ANKRD36C: variants seen among roughly 807,000 people sequenced by gnomAD.
The protein encoded by ANKRD36C is ankyrin repeat domain-containing protein 36C.
ANKRD36C carries 61 observed loss-of-function variants against 276.4 expected under a neutral mutation model. That is an observed-to-expected ratio of 0.22 (90% CI 0.18 to 0.27). The LOEUF is 0.27. ANKRD36C is among the 10% of genes least tolerant of loss of function. The pLI, the probability that ANKRD36C is intolerant of heterozygous loss-of-function variation, is 1.00. For missense variants in ANKRD36C, 1,447 were observed against 2,032.3 expected (o/e 0.71, Z 5.54); for synonymous variants, 483 against 680.1 (o/e 0.71, Z 4.51).
intron 42 of ANKRD36C, among the ~76,000 whole-genome samples, chr2:95,911,901 CG>C (rs1332698155): frequency 1.3e-5 from 2 of 151,514 alleles, no homozygotes; most frequent in African/African-American, 4.8e-5. Context: ...TACGATGTGA[CG>C]TCTGTAAAAT....
chr2:95,960,159 T>A (rs958340537), intron 10 of ANKRD36C, among the ~76,000 whole-genome samples: 17 of 151,958 alleles, frequency 1.1e-4, no homozygotes, highest in Non-Finnish European at 2.4e-4. Context: ...TTATTCTCCT[T>A]CCCCTCTTGA....
intron 24 of ANKRD36C, among the ~76,000 whole-genome samples, chr2:95,933,257 G>A (rs201185696): frequency 0.05 from 5,403 of 107,074 alleles, no homozygotes; most frequent in African/African-American, 0.083. Flanking sequence ...CAATTGTCTC[G>A]GCTATATGGG....
chr2:95,902,725 A>G (rs575320999), intron 42 of ANKRD36C, among the ~76,000 whole-genome samples, 161 bp downstream of exon 54: 16 of 150,504 alleles, frequency 1.1e-4, no homozygotes, highest in South Asian at 2.1e-4. Flanking sequence ...GTTCCAGACC[A>G]GCATCATCAT....
intron 17 of ANKRD36C, among the ~76,000 whole-genome samples, chr2:95,946,943 GATAT>G (rs1380970968): frequency 6.6e-6 from 1 of 151,818 alleles, no homozygotes; most frequent in Non-Finnish European, 1.5e-5. Flanking sequence ...AGCATTGGGA[GATAT>G]ACCTAATGCT....
rs760404613 is a variant in ANKRD36C, at chr2:95,889,885, G to GA, written c.2887-15dup. ...GTCACTTGTAGCCTGAATGGAATTTGAAACACAACAGTCAATAAATAAAGT... is the reference window on the plus strand; with the variant it reads ...GTCACTTGTAGCCTGAATGGAATTTGAAAACACAACAGTCAATAAATAAAGT... On this transcript the variant is annotated splice_polypyrimidine_tract_variant and intron_variant, in intron 47 of 66. Transcript: ENST00000456556. The GA allele has an allele frequency of 1.2e-6, 2 of 1,606,552 alleles. No individual in the cohort carries two copies. The highest frequency in any genetic ancestry group is 2.2e-5 in the South Asian group (2 of 90,498).
intron 60 of ANKRD36C, 127 bp downstream of exon 80, chr2:95,867,313 C>T (rs1675703350): frequency 5.5e-6 from 4 of 723,792 alleles, no homozygotes; most frequent in Admixed American, 2.9e-5. Context: ...TCTATTTTAA[C>T]ATAAGGCATA....
chr2:95,908,752 C>T, intron 42 of ANKRD36C, 55 bp from the exon 47 acceptor site: 2 of 1,535,810 alleles, frequency 1.3e-6, no homozygotes, highest in South Asian at 2.4e-5. Context: ...CAAAATTATC[C>T]ACATATTCAT....
intron 44 of ANKRD36C, 21 bp from the exon 65 acceptor site, chr2:95,891,881 A>C (rs1322650373): frequency 6.4e-7 from 1 of 1,556,662 alleles, no homozygotes; most frequent in Non-Finnish European, 8.7e-7. Context: ...AAAGGGATTC[A>C]TAATCACTCA....
At chr2:95,963,972 A>AATATATATAT (rs1160108122) in intron 6 of ANKRD36C, among the ~76,000 whole-genome samples, 34 of 48,946 alleles carry the variant, frequency 6.9e-4, no homozygotes, top group South Asian at 7.9e-4. Context: ...TATATATATA[A>AATATATATAT]ATATATATAT....
intron 34 of ANKRD36C, chr2:95,919,753 T>C (rs1677215069): frequency 7.7e-7 from 1 of 1,303,400 alleles, no homozygotes; most frequent in African/African-American, 1.5e-5. Flanking sequence ...TTTTTCTCCA[T>C]CCTTTATTTC....
intron 62 of ANKRD36C, among the ~76,000 whole-genome samples, chr2:95,856,967 T>G (rs1244510427): frequency 6.6e-6 from 1 of 152,170 alleles, no homozygotes; most frequent in Non-Finnish European, 1.5e-5. Flanking sequence ...ATGAGATTAT[T>G]TGCTATTGTG....
intron 59 of ANKRD36C, among the ~76,000 whole-genome samples, chr2:95,870,139 C>A (rs144625156): frequency 9.2e-5 from 14 of 152,220 alleles, no homozygotes; most frequent in African/African-American, 2.2e-4. Context: ...ATGTCCCTGT[C>A]TGATAGCTTT....
At chr2:95,976,284 C>T (rs1224661702) in intron 6 of ANKRD36C, among the ~76,000 whole-genome samples, 13 of 152,252 alleles carry the variant, frequency 8.5e-5, no homozygotes, top group African/African-American at 2.9e-4. Context: ...ACTGGGTATA[C>T]ACCCAAAGGA....
At chr2:95,951,732 G>A (rs1278416393) in intron 14 of ANKRD36C, among the ~76,000 whole-genome samples, 1 of 152,288 alleles carries the variant, frequency 6.6e-6, no homozygotes, top group East Asian at 1.9e-4. Flanking sequence ...GAGTATTACT[G>A]AATAAAACTA....
rs1196778247 is a variant in ANKRD36C, at chr2:95,916,175, A to G, written c.2348-4T>C. The G allele has an allele frequency of 6.2e-7, 1 of 1,604,654 alleles. No individual in the cohort carries two copies. Among genetic ancestry groups the G allele is most frequent in the Non-Finnish European group, 8.5e-7 (1 of 1,177,886 alleles). On this transcript the variant is annotated splice_polypyrimidine_tract_variant and splice_region_variant and intron_variant, in intron 36 of 66. Transcript: ENST00000456556. ...GCTGGTTTTTTCCGAGAAGACACTG[A>G]AAAGCAAAAGGGACACGTAATCACT...
chr2:95,990,310 G>A (rs1298596973), intron 1 of ANKRD36C, among the ~76,000 whole-genome samples: 3 of 152,142 alleles, frequency 2.0e-5, no homozygotes, highest in African/African-American at 7.2e-5. Context: ...AATTCTATTA[G>A]ATTGGTGCAA....
chr2:95,968,420 G>A (rs1377070063), intron 6 of ANKRD36C, among the ~76,000 whole-genome samples: 1 of 152,006 alleles, frequency 6.6e-6, no homozygotes, highest in Non-Finnish European at 1.5e-5. Flanking sequence ...ACAGAAAATG[G>A]CATCATTAGT....
At chr2:95,950,197 C>T (rs1678161689) in intron 16 of ANKRD36C, among the ~76,000 whole-genome samples, 1 of 152,294 alleles carries the variant, frequency 6.6e-6, no homozygotes, top group Admixed American at 6.5e-5. Flanking sequence ...CCTGGTCTTG[C>T]TTATGAAAAA....
rs1677324205 is a variant in ANKRD36C, at chr2:95,923,404, C to T, written c.2143+91G>A. ...CGGCCTGCTGAATCAGAATGTGCAG[C>T]TTTGATGAGCCCCCCGCTGATTTAT... On this transcript the variant is annotated intron_variant, in intron 32 of 66. Transcript: ENST00000456556. 29 of 1,500,440 alleles carry T rather than the reference C, an allele frequency of 1.9e-5. No individual in the cohort carries two copies. In the South Asian group the frequency reaches 3.5e-4, roughly 18 times the overall value. 92.9% of individuals were successfully genotyped at this position (1,500,440 alleles called of 1,614,324 possible). A position where few individuals can be genotyped will look rare whatever the true frequency, so the allele number is the denominator to read the frequency against.
Sources: gnomAD v4.1 joint callset for allele counts (sites outside exome capture counted in the v4.1 genomes callset) on GRCh38, gnomAD v4.1.1 for gene constraint, MANE v1.5 for transcripts, NCBI Gene and HGNC (gene_info 2026-07-23, HGNC 2026-07-21) for gene names.